NEGR1: variants seen among roughly 807,000 people sequenced by gnomAD.
NEGR1 encodes the protein neuronal growth regulator 1.
In NEGR1, 10 loss-of-function variants were observed where a neutral mutation model predicts 40.9. The observed-to-expected ratio is 0.24, with a 90% confidence interval of 0.15 to 0.42. The LOEUF (loss-of-function observed/expected upper bound fraction) is 0.42, where lower values mean the gene tolerates loss of function less well. Ranked by LOEUF, NEGR1 falls within the 10% of genes least tolerant of loss-of-function variation. The pLI is 1.00. For missense variants in NEGR1, 352 were observed against 438.9 expected (o/e 0.80, Z 1.77); for synonymous variants, 185 against 166.8 (o/e 1.11, Z -0.84).
chr1:71,483,261 A>G (rs1391558790), intron 6 of NEGR1, among the ~76,000 whole-genome samples: 2 of 151,812 alleles, frequency 1.3e-5, no homozygotes, highest in African/African-American at 4.8e-5. Context: ...GAAGGCAGAA[A>G]TATGACGGTA....
chr1:72,200,042 G>A lies in NEGR1; in HGVS notation c.176+82277C>T, dbSNP rs567652430. ...AAAAAGTGACAGAGGCAGGTGAGGT[G>A]CCAAGAAAATAGAATGCTTATACAG... On this transcript the variant is annotated intron_variant, in intron 1 of 6. Transcript: ENST00000357731. Among the ~76,000 whole-genome samples, 162 of 151,966 alleles carry A rather than the reference G, an allele frequency of 1.1e-3. 1 individual carries two copies. Among genetic ancestry groups the A allele is most frequent in the African/African-American group, 3.6e-3 (150 of 41,506 alleles).
intron 2 of NEGR1, among the ~76,000 whole-genome samples, chr1:71,923,423 T>C (rs1161576041): frequency 6.6e-6 from 1 of 152,004 alleles, no homozygotes; most frequent in Admixed American, 6.6e-5. Flanking sequence ...AAAATGTCAA[T>C]AGTACTGAGG....
At chr1:71,991,958 A>T (rs967481195) in intron 1 of NEGR1, among the ~76,000 whole-genome samples, 1 of 148,928 alleles carries the variant, frequency 6.7e-6, no homozygotes, top group Non-Finnish European at 1.5e-5. Context: ...CACCTGGCTA[A>T]TTTTTTTTTT....
intron 3 of NEGR1, among the ~76,000 whole-genome samples, chr1:71,698,955 A>G (rs1033167004): frequency 6.6e-6 from 1 of 151,854 alleles, no homozygotes; most frequent in Non-Finnish European, 1.5e-5. Context: ...GTCATTGAGC[A>G]GGATCCTAAT....
At chr1:72,056,218 A>G (rs1647108715) in intron 1 of NEGR1, among the ~76,000 whole-genome samples, 1 of 151,332 alleles carries the variant, frequency 6.6e-6, no homozygotes, top group South Asian at 2.1e-4. Flanking sequence ...AAGTTAACCA[A>G]AATTTTCTTT....
intron 4 of NEGR1, among the ~76,000 whole-genome samples, chr1:71,641,743 C>T (rs1397910829): frequency 6.6e-6 from 1 of 152,002 alleles, no homozygotes; most frequent in East Asian, 1.9e-4. Context: ...CTACCTAGCA[C>T]AGACTTGACA....
At chr1:71,471,207 G>A (rs562217243) in intron 6 of NEGR1, among the ~76,000 whole-genome samples, 1 of 152,208 alleles carries the variant, frequency 6.6e-6, no homozygotes, top group Non-Finnish European at 1.5e-5. Flanking sequence ...GTTCATTACA[G>A]GAACACATCA....
intron 1 of NEGR1, among the ~76,000 whole-genome samples, chr1:71,992,509 A>G (rs917965133): frequency 6.6e-6 from 1 of 152,232 alleles, no homozygotes; most frequent in Non-Finnish European, 1.5e-5. Flanking sequence ...AAGGTGAAAT[A>G]AATATTAGTC....
intron 6 of NEGR1, among the ~76,000 whole-genome samples, chr1:71,582,223 C>T (rs1014258527): frequency 6.6e-6 from 1 of 151,612 alleles, no homozygotes; most frequent in African/African-American, 2.4e-5. Context: ...AGATAATGTA[C>T]AATTGATATA....
At chr1:71,652,852 A>T (rs1436127111) in intron 4 of NEGR1, among the ~76,000 whole-genome samples, 7 of 151,842 alleles carry the variant, frequency 4.6e-5, no homozygotes, top group Non-Finnish European at 7.4e-5. Context: ...TGAGAGAGTG[A>T]GATCTCATCT....
chr1:72,135,737 T>A (rs1650439179), intron 1 of NEGR1, among the ~76,000 whole-genome samples: 1 of 152,190 alleles, frequency 6.6e-6, no homozygotes, highest in African/African-American at 2.4e-5. Context: ...TTCAGCAAAG[T>A]ACTGATCAGT....
chr1:71,903,754 A>G (rs911456201), intron 2 of NEGR1, among the ~76,000 whole-genome samples: 1 of 151,724 alleles, frequency 6.6e-6, no homozygotes, highest in African/African-American at 2.4e-5. Context: ...CATCCCTAAT[A>G]CATAGCCCTC....
chr1:72,141,955 A>G (rs12137663), intron 1 of NEGR1, among the ~76,000 whole-genome samples: 34,221 of 151,898 alleles, frequency 0.23, 4,427 homozygotes, highest in South Asian at 0.3. Context: ...CAAAAAGGAA[A>G]AGCATGATAA....
intron 6 of NEGR1, among the ~76,000 whole-genome samples, chr1:71,494,371 C>T (rs1646948543): frequency 6.6e-6 from 1 of 152,164 alleles, no homozygotes; most frequent in Non-Finnish European, 1.5e-5. Flanking sequence ...CCCTGATTGG[C>T]AAACTCTGTG....
At chr1:71,959,567 T>A (rs1235301472) in intron 1 of NEGR1, among the ~76,000 whole-genome samples, 1 of 152,176 alleles carries the variant, frequency 6.6e-6, no homozygotes, top group East Asian at 1.9e-4. Context: ...TAATTTTCTG[T>A]GTCTCTGGGG....
At chr1:71,793,790 A>G (rs1186036316) in intron 2 of NEGR1, among the ~76,000 whole-genome samples, 1 of 152,070 alleles carries the variant, frequency 6.6e-6, no homozygotes, top group African/African-American at 2.4e-5. Flanking sequence ...TACAGATTTA[A>G]GGATATGTAT....
At position 71,909,832 on chromosome 1, in the gene NEGR1, T is replaced by C. The variant is rs1486619369; in HGVS notation, c.409+25247A>G. On this transcript the variant is annotated intron_variant, in intron 2 of 6. Transcript: ENST00000357731. Reference sequence around the variant, plus strand: ...ATATTGAGGAGATGTTTGAAAGATTTATTAACCACAAAAGATAGCAAATAT... The same window carrying C: ...ATATTGAGGAGATGTTTGAAAGATTCATTAACCACAAAAGATAGCAAATAT... 2.6e-5 allele frequency among the ~76,000 whole-genome samples: 4 copies of C among 152,204 alleles called. No individual in the cohort carries two copies. In the East Asian group the frequency reaches 7.7e-4, roughly 29 times the overall value.
intron 6 of NEGR1, among the ~76,000 whole-genome samples, chr1:71,414,603 A>C (rs985196466): frequency 6.6e-6 from 1 of 152,226 alleles, no homozygotes; most frequent in Non-Finnish European, 1.5e-5. Flanking sequence ...TTATAGATAC[A>C]GCACAGACAT....
At chr1:71,874,442 C>T (rs1158984553) in intron 2 of NEGR1, among the ~76,000 whole-genome samples, 1 of 152,148 alleles carries the variant, frequency 6.6e-6, no homozygotes, top group Admixed American at 6.6e-5. Context: ...CTTATTTTCT[C>T]TCCCTGTCTA....
Sources: gnomAD v4.1 joint callset for allele counts (sites outside exome capture counted in the v4.1 genomes callset) on GRCh38, gnomAD v4.1.1 for gene constraint, MANE v1.5 for transcripts, NCBI Gene and HGNC (gene_info 2026-07-23, HGNC 2026-07-21) for gene names.